The following GPSM2 variants were observed in gnomAD, a reference collection of about 807,000 sequenced individuals.
The protein encoded by GPSM2 is G protein signaling modulator 2, also known as G protein-signaling modulator 2.
GPSM2 carries 58 observed loss-of-function variants against 78.4 expected under a neutral mutation model. That is an observed-to-expected ratio of 0.74 (90% CI 0.60 to 0.92). The LOEUF (loss-of-function observed/expected upper bound fraction) is 0.92, where lower values mean the gene tolerates loss of function less well. Among genes scored for constraint, GPSM2 ranks in the 40% least tolerant of loss-of-function variants. GPSM2 has a pLI of 0.00. For synonymous variants in GPSM2, 224 were observed against 280.2 expected, an observed-to-expected ratio of 0.80 and a Z score of 2.00; for missense variants, 700 against 815.5, an observed-to-expected ratio of 0.86 and a Z score of 1.73.
intron 1 of GPSM2, among the ~76,000 whole-genome samples, 182 bp from the exon 2 acceptor site, chr1:108,885,093 C>T (rs1647426057): frequency 6.6e-6 from 1 of 152,140 alleles, no homozygotes; most frequent in African/African-American, 2.4e-5. Flanking sequence ...TCTCAAATCT[C>T]ATCTATTCCC....
At chr1:108,912,899 G>T (rs1436980024) in intron 10 of GPSM2, among the ~76,000 whole-genome samples, 4 of 145,268 alleles carry the variant, frequency 2.8e-5, no homozygotes, top group Non-Finnish European at 6.0e-5. Context: ...AAAAAAAAGG[G>T]TGGGGGGGAC....
In GPSM2 at chr1:108,884,279, G is replaced by C. The variant is rs1647350438; in HGVS notation, c.-248-996G>C. On this transcript the variant is annotated intron_variant, in intron 1 of 14. Coordinates refer to ENST00000264126, the MANE Select transcript of GPSM2 (RefSeq NM_013296.5). ...TTGAGTTATTAATATCAGTGTTCAT[G>C]GTAGTTTTTTGTTTCATTTTGTTTT... Among the ~76,000 whole-genome samples, 3 of 151,992 alleles carry C rather than the reference G, an allele frequency of 2.0e-5. No homozygotes were observed. The South Asian group carries it at 6.2e-4, about 32-fold the overall frequency.
At chr1:108,909,238 G>A (rs1649513554) in intron 10 of GPSM2, among the ~76,000 whole-genome samples, 1 of 151,974 alleles carries the variant, frequency 6.6e-6, no homozygotes, top group Admixed American at 6.6e-5. Flanking sequence ...TTTAATATGG[G>A]GTCACACCTT....
chr1:108,897,884 A>G (rs1648494340), intron 4 of GPSM2, 75 bp from the exon 5 acceptor site: 2 of 1,467,440 alleles, frequency 1.4e-6, no homozygotes, highest in Non-Finnish European at 1.9e-6. Flanking sequence ...CCGTAATACT[A>G]AGGATATTAC....
chr1:108,905,573 C>G (rs893911656), intron 10 of GPSM2, among the ~76,000 whole-genome samples: 2 of 152,170 alleles, frequency 1.3e-5, no homozygotes, highest in Non-Finnish European at 2.9e-5. Flanking sequence ...GTTTGCCACT[C>G]TCGTCTTTAT....
At chr1:108,927,250 TG>T (rs1651177959) in intron 14 of GPSM2, among the ~76,000 whole-genome samples, 1 of 152,226 alleles carries the variant, frequency 6.6e-6, no homozygotes, top group African/African-American at 2.4e-5. Context: ...GTGCAATCCC[TG>T]TAAAAATCCA....
At chr1:108,885,656 T>G in intron 2 of GPSM2, 78 bp downstream of exon 2, 1 of 882,248 alleles carries the variant, frequency 1.1e-6, no homozygotes, top group South Asian at 1.3e-5. Context: ...CCATTTCAAG[T>G]TTCAGTTGAA....
chr1:108,933,901 A>G lies in GPSM2; in HGVS notation c.*3961A>G, dbSNP rs1406543498. ...CTATAATATGAATTAAGATATGGTAATATCTAATAGTCTCCACTGCTAGGA... is the reference window on the plus strand; with the variant it reads ...CTATAATATGAATTAAGATATGGTAGTATCTAATAGTCTCCACTGCTAGGA... On this transcript the variant is annotated 3_prime_UTR_variant, in exon 15 of 15. Coordinates refer to ENST00000264126, the MANE Select transcript of GPSM2 (RefSeq NM_013296.5). 1 of 152,244 alleles carries G rather than the reference A, an allele frequency of 6.6e-6. No homozygotes were observed. Among genetic ancestry groups the G allele is most frequent in the African/African-American group, 2.4e-5 (1 of 41,462 alleles). 9.4% of individuals were successfully genotyped at this position (152,244 alleles called of 1,614,324 possible).
intron 2 of GPSM2, among the ~76,000 whole-genome samples, chr1:108,889,347 A>G (rs1647798031): frequency 6.6e-6 from 1 of 152,206 alleles, no homozygotes; most frequent in Non-Finnish European, 1.5e-5. Context: ...AAAGAGGCAA[A>G]GGTAGAGGGG....
chr1:108,893,384 G>C (rs1362584431), intron 2 of GPSM2, among the ~76,000 whole-genome samples: 1 of 152,184 alleles, frequency 6.6e-6, no homozygotes, highest in Non-Finnish European at 1.5e-5. Flanking sequence ...TTCCCCCTCA[G>C]TGAAATGATG....
rs868236166 is a variant in GPSM2 at position 108,901,706 on chromosome 1, G to C, written c.798-84G>C. On this transcript the variant is annotated intron_variant, in intron 7 of 14. Transcript: ENST00000264126. ...TTTAAAGACAGCAGAAAGCAGCAGAGAGGAAAAATGAGAGTTTTGTTTTGT... is the reference window on the plus strand; with the variant it reads ...TTTAAAGACAGCAGAAAGCAGCAGACAGGAAAAATGAGAGTTTTGTTTTGT... 1.2e-5 allele frequency: 12 copies of C among 988,972 alleles called. 1 individual carries two copies. In the Middle Eastern group the frequency reaches 1.2e-3, roughly 102 times the overall value. The allele number at this position is 988,972 out of a possible 1,614,324, so 61.3% of individuals were successfully genotyped here. A position where few individuals can be genotyped will look rare whatever the true frequency, so the allele number is the denominator to read the frequency against.
intron 10 of GPSM2, among the ~76,000 whole-genome samples, chr1:108,910,534 CA>C (rs1435204851): frequency 6.6e-6 from 1 of 152,108 alleles, no homozygotes; most frequent in Non-Finnish European, 1.5e-5. Flanking sequence ...AAAATCTTTA[CA>C]AAATATTAGC....
rs755598904 is a variant in GPSM2 at position 108,898,933 on chromosome 1, A to C, written c.736A>C (p.Ser246Arg). Residue 246 changes from serine to arginine, a missense_variant, in exon 7 of 15, where the codon AGC becomes CGC. Transcript: ENST00000264126. ...GDKAAERRAY[S>R]NLGNAYIFLG... is the part of the protein sequence containing the mutation. ...TAAAGCAGCTGAAAGAAGAGCATAT[A>C]GCAACCTTGGAAATGCATATATATT... is the stretch of plus-strand genomic sequence containing the variant. 4.3e-6 allele frequency: 7 copies of C among 1,613,494 alleles called. No individual in the cohort carries two copies. The highest frequency in any genetic ancestry group is 3.4e-6 in the Non-Finnish European group (4 of 1,179,386).
Position 108,924,124 on chromosome 1 carries a change from A to G in GPSM2, c.1725A>G (p.Thr575=). 1 of 1,613,942 alleles carries G rather than the reference A, an allele frequency of 6.2e-7. No individual in the cohort carries two copies. The highest frequency in any genetic ancestry group is 8.5e-7 in the Non-Finnish European group (1 of 1,179,844). ...SFSNLPGLRL[T]QNSQSVLSHL... ...GTAATTTGCCAGGGCTTCGTCTAAC[A>G]CAAAACAGCCAGTCGGTACTTAGCC... Residue 575 remains threonine, a synonymous_variant, in exon 14 of 15, where the codon ACA becomes ACG. Coordinates refer to ENST00000264126, the MANE Select transcript of GPSM2 (RefSeq NM_013296.5).
chr1:108,901,654 G>A (rs149133091), intron 7 of GPSM2, 136 bp from the exon 8 acceptor site: 5 of 716,930 alleles, frequency 7.0e-6, no homozygotes, highest in African/African-American at 1.8e-5. Flanking sequence ...GAGAAAGTAC[G>A]GGATATGAAT....
chr1:108,921,673 CTT>C (rs1426703667), intron 12 of GPSM2, among the ~76,000 whole-genome samples: 1 of 152,106 alleles, frequency 6.6e-6, no homozygotes, highest in African/African-American at 2.4e-5. Flanking sequence ...ATACTAAAAA[CTT>C]TTTGGATTGC....
intron 12 of GPSM2, 47 bp downstream of exon 12, chr1:108,918,836 T>A: frequency 7.7e-7 from 1 of 1,305,694 alleles, no homozygotes; most frequent in Non-Finnish European, 1.1e-6. Flanking sequence ...AGTACCGACA[T>A]TTGGGTTTTC....
chr1:108,921,757 G>A (rs1465315733), intron 12 of GPSM2, among the ~76,000 whole-genome samples: 1 of 152,032 alleles, frequency 6.6e-6, no homozygotes, highest in African/African-American at 2.4e-5. Context: ...ACAAATACAT[G>A]CTATGAAATT....
intron 2 of GPSM2, among the ~76,000 whole-genome samples, chr1:108,891,238 G>C (rs754755187): frequency 5.9e-5 from 9 of 152,110 alleles, no homozygotes; most frequent in Non-Finnish European, 1.2e-4. Context: ...TATTGTAAAA[G>C]TTAGATTCTT....
Sources: gnomAD v4.1 joint callset for allele counts (sites outside exome capture counted in the v4.1 genomes callset) on GRCh38, gnomAD v4.1.1 for gene constraint, MANE v1.5 for transcripts, NCBI Gene and HGNC (gene_info 2026-07-23, HGNC 2026-07-21) for gene names.